MARCHF3: variants seen among roughly 807,000 people sequenced by gnomAD.
The protein encoded by MARCHF3 is E3 ubiquitin-protein ligase MARCHF3.
Under a neutral mutation model 24.2 loss-of-function variants are expected in MARCHF3, and 13 were observed. The ratio of observed to expected loss-of-function variants is 0.54; its 90% CI spans 0.35 to 0.85. The LOEUF (loss-of-function observed/expected upper bound fraction) is 0.85. Ranked by LOEUF, MARCHF3 falls within the 40% of genes least tolerant of loss-of-function variation. The probability of loss-of-function intolerance (pLI) is 0.01; values close to 1 mark genes in which losing one functional copy is unlikely to be tolerated. For missense variants in MARCHF3, 276 were observed against 325.0 expected (o/e 0.85, Z 1.16); for synonymous variants, 144 against 137.3 (o/e 1.05, Z -0.34).
chr5:127,008,596 C>T (rs1190716699), intron 1 of MARCHF3, among the ~76,000 whole-genome samples: 1 of 152,188 alleles, frequency 6.6e-6, no homozygotes, highest in Non-Finnish European at 1.5e-5. Flanking sequence ...CTGGACAGCT[C>T]TGTTTTGTGT....
Position 126,878,218 on chromosome 5 carries a change from G to A in MARCHF3, c.570C>T (p.Val190=), listed in dbSNP as rs574227512. The change falls in exon 4 of 5, where the codon GTC becomes GTT. Residue 190 remains valine (V), a synonymous_variant. Transcript: ENST00000308660. ...AAAAGAGGTAAATAGTGAAGAGTGCGACAGTGAGTGCAATCAGTCCGACGG... is the reference window on the plus strand; with the variant it reads ...AAAAGAGGTAAATAGTGAAGAGTGCAACAGTGAGTGCAATCAGTCCGACGG... The part of the protein sequence containing the change: ...LEAVGLIALT[V]ALFTIYLFWT... 3.1e-6 allele frequency: 5 copies of A among 1,614,236 alleles called. No individual in the cohort carries two copies. The highest frequency in any genetic ancestry group is 2.2e-5 in the South Asian group (2 of 91,074).
intron 1 of MARCHF3, among the ~76,000 whole-genome samples, chr5:126,995,296 G>A (rs78249490): frequency 0.02 from 3,098 of 152,286 alleles, 74 homozygotes; most frequent in South Asian, 0.12. Flanking sequence ...ATGTACCAGT[G>A]TGCAACTGGA....
chr5:126,954,188 A>G (rs1750352166), intron 1 of MARCHF3, among the ~76,000 whole-genome samples: 1 of 141,974 alleles, frequency 7.0e-6, no homozygotes, highest in Admixed American at 7.0e-5. Context: ...GCCTGCCAAC[A>G]CGCCCGGCTA....
chr5:126,968,228 T>C (rs1443012550), intron 1 of MARCHF3, among the ~76,000 whole-genome samples: 2 of 152,226 alleles, frequency 1.3e-5, no homozygotes, highest in African/African-American at 2.4e-5. Flanking sequence ...TCCACATACA[T>C]TTTCAATTCT....
chr5:127,025,997 C>T (rs987414339), intron 1 of MARCHF3, among the ~76,000 whole-genome samples: 3 of 150,850 alleles, frequency 2.0e-5, no homozygotes, highest in Non-Finnish European at 2.9e-5. Flanking sequence ...GAATTTTTTA[C>T]AAGGAGATTT....
chr5:127,025,219 T>C (rs909229979), intron 1 of MARCHF3, among the ~76,000 whole-genome samples: 4 of 151,716 alleles, frequency 2.6e-5, no homozygotes, highest in Non-Finnish European at 5.9e-5. Context: ...TATAGTGATA[T>C]TGATCACAGA....
chr5:126,975,043 G>A (rs759808594), intron 1 of MARCHF3, among the ~76,000 whole-genome samples: 3 of 152,108 alleles, frequency 2.0e-5, no homozygotes, highest in East Asian at 3.9e-4. Context: ...TGCAACCTCC[G>A]CCTCCCAGGT....
intron 3 of MARCHF3, among the ~76,000 whole-genome samples, chr5:126,909,416 A>G (rs1490974706): frequency 6.6e-6 from 1 of 152,116 alleles, no homozygotes; most frequent in Non-Finnish European, 1.5e-5. Flanking sequence ...CCCCTCCCCC[A>G]GCCTCGCTGT....
chr5:126,916,688 GACAGACACACACAC>G (rs1046397108), intron 2 of MARCHF3, among the ~76,000 whole-genome samples: 15 of 76,514 alleles, frequency 2.0e-4, no homozygotes, highest in Middle Eastern at 6.0e-3. Flanking sequence ...CAGACAGACA[GACAGACACACACAC>G]ACACACACAC....
chr5:127,012,554 TAAAA>T (rs1338767607), intron 1 of MARCHF3, among the ~76,000 whole-genome samples: 1 of 152,022 alleles, frequency 6.6e-6, no homozygotes, highest in Non-Finnish European at 1.5e-5. Flanking sequence ...TTAATAATGA[TAAAA>T]AGAGTAGACA....
rs182216588 is a variant in MARCHF3, at chr5:127,008,838, A to G, written c.-57+21512T>C. Reference sequence around the variant, plus strand: ...ACCGAACCCTATTTTAAGAGTCTGAAAGGACAGTTATAAACATTCAGGAGA... The same window carrying G: ...ACCGAACCCTATTTTAAGAGTCTGAGAGGACAGTTATAAACATTCAGGAGA... On this transcript the variant is annotated intron_variant, in intron 1 of 4. Transcript: ENST00000308660. 1.3e-3 allele frequency among the ~76,000 whole-genome samples: 197 copies of G among 151,122 alleles called. 1 individual carries two copies. The highest frequency in any genetic ancestry group is 0.01 in the Middle Eastern group (3 of 290).
At chr5:126,885,165 T>C (rs1368228104) in intron 3 of MARCHF3, among the ~76,000 whole-genome samples, 2 of 152,248 alleles carry the variant, frequency 1.3e-5, no homozygotes, top group East Asian at 1.9e-4. Context: ...TCTTTAGTTG[T>C]CTGTTTAGTT....
chr5:126,958,194 G>A (rs981415006), intron 1 of MARCHF3, among the ~76,000 whole-genome samples: 1 of 151,924 alleles, frequency 6.6e-6, no homozygotes, highest in Non-Finnish European at 1.5e-5. Context: ...CCTTTTCTCT[G>A]CTTTCTGTTT....
chr5:126,920,696 G>A (rs569941566), intron 1 of MARCHF3, among the ~76,000 whole-genome samples: 12 of 152,040 alleles, frequency 7.9e-5, no homozygotes, highest in African/African-American at 1.4e-4. Flanking sequence ...ATTGCCTGTC[G>A]CCCAGGCATA....
chr5:126,875,885 T>C (rs1046352930), intron 4 of MARCHF3, among the ~76,000 whole-genome samples: 7 of 152,252 alleles, frequency 4.6e-5, no homozygotes, highest in African/African-American at 1.7e-4. Context: ...TTTCCTGTAT[T>C]TTTTTGTACA....
chr5:127,003,347 G>C (rs1370304783), intron 1 of MARCHF3, among the ~76,000 whole-genome samples: 1 of 150,400 alleles, frequency 6.6e-6, no homozygotes, highest in African/African-American at 2.4e-5. Flanking sequence ...GGCGCCTGTA[G>C]TCCCAGCTAC....
intron 1 of MARCHF3, among the ~76,000 whole-genome samples, chr5:126,989,954 T>C (rs868310387): frequency 1.3e-5 from 2 of 151,960 alleles, no homozygotes; most frequent in Non-Finnish European, 2.9e-5. Flanking sequence ...CAAAACCTCA[T>C]CTCTACTAAA....
chr5:126,896,235 G>A (rs560621165), intron 3 of MARCHF3, among the ~76,000 whole-genome samples: 1 of 152,226 alleles, frequency 6.6e-6, no homozygotes, highest in East Asian at 1.9e-4. Flanking sequence ...GATGAACCCG[G>A]TACCTCAGAT....
At position 126,921,711 on chromosome 5, in the gene MARCHF3, GGGAGCGGTGTATGTGCAAACTTAAAAC is replaced by G. The variant is rs1419080467; in HGVS notation, c.-56-3511_-56-3485del. 4.6e-5 allele frequency among the ~76,000 whole-genome samples: 7 copies of G among 152,338 alleles called. No homozygotes were observed. The South Asian group carries it at 6.2e-4, about 14-fold the overall frequency. ...GTCTACCCAAGAATTCTCTCAGGGAGGGAGCGGTGTATGTGCAAACTTAAAACATCAAACGGCACTGGTGGGATGGGT... is the reference window on the plus strand; with the variant it reads ...GTCTACCCAAGAATTCTCTCAGGGAGATCAAACGGCACTGGTGGGATGGGT... On this transcript the variant is annotated intron_variant, in intron 1 of 4. Transcript: ENST00000308660.
Sources: gnomAD v4.1 joint callset for allele counts (sites outside exome capture counted in the v4.1 genomes callset) on GRCh38, gnomAD v4.1.1 for gene constraint, MANE v1.5 for transcripts, NCBI Gene and HGNC (gene_info 2026-07-23, HGNC 2026-07-21) for gene names.